The following PTPN21 variants were observed in gnomAD, a reference collection of about 807,000 sequenced individuals.
PTPN21 encodes the protein protein tyrosine phosphatase non-receptor type 21.
In PTPN21, 77 loss-of-function variants were observed where a neutral mutation model predicts 131.8. The ratio of observed to expected loss-of-function variants is 0.58; its 90% CI spans 0.49 to 0.71. The LOEUF is 0.71. Ranked by LOEUF, PTPN21 falls within the 30% of genes least tolerant of loss-of-function variation. PTPN21 has a pLI of 0.00. For missense variants in PTPN21, 1,552 were observed against 1,527.1 expected (o/e 1.02, Z -0.27); for synonymous variants, 715 against 621.3 (o/e 1.15, Z -2.24).
At chr14:88,485,967 C>T (rs977523506) in intron 10 of PTPN21, 125 bp from the exon 11 acceptor site, 2 of 621,374 alleles carry the variant, frequency 3.2e-6, no homozygotes, top group Admixed American at 6.0e-5. Context: ...CTATCTAAGT[C>T]ATGAAGTCAA....
chr14:88,513,952 G>A (rs1206366512), intron 3 of PTPN21: 1 of 152,234 alleles, frequency 6.6e-6, no homozygotes, highest in African/African-American at 2.4e-5. Flanking sequence ...TGCAGAATGT[G>A]TTGGCGCTGA....
chr14:88,503,186 C>G (rs1424592384), intron 6 of PTPN21, among the ~76,000 whole-genome samples: 1 of 152,010 alleles, frequency 6.6e-6, no homozygotes, highest in Non-Finnish European at 1.5e-5. Context: ...CCGGTGCATG[C>G]CACCACACCT....
rs142424577 is a variant in PTPN21, at chr14:88,534,705, T to C, written c.180+15533A>G. On this transcript the variant is annotated intron_variant, in intron 2 of 18. Coordinates refer to ENST00000556564, the MANE Select transcript of PTPN21 (RefSeq NM_007039.4). ...CCTGGCCAACATGTTGAAACCCCAT[T>C]TCTACTAAAACTACAAAAATTAGCC... Among the ~76,000 whole-genome samples, 744 of 151,528 alleles carry C rather than the reference T, an allele frequency of 4.9e-3. 6 individuals are homozygous for C. Among genetic ancestry groups the C allele is most frequent in the African/African-American group, 0.017 (689 of 41,294 alleles).
At chr14:88,471,238 G>GA (rs1300008123) in intron 15 of PTPN21, among the ~76,000 whole-genome samples, 3 of 151,982 alleles carry the variant, frequency 2.0e-5, no homozygotes, top group Admixed American at 6.6e-5. Context: ...GCAAACTAAA[G>GA]AAAAAAACCA....
intron 2 of PTPN21, among the ~76,000 whole-genome samples, chr14:88,520,897 G>A (rs1353990670): frequency 2.0e-5 from 3 of 152,128 alleles, no homozygotes; most frequent in Non-Finnish European, 4.4e-5. Context: ...AGGCGGGAGT[G>A]TACTGACATG....
intron 2 of PTPN21, among the ~76,000 whole-genome samples, chr14:88,542,190 C>T (rs775202697): frequency 1.3e-5 from 2 of 152,134 alleles, no homozygotes; most frequent in African/African-American, 2.4e-5. Flanking sequence ...TAATACAACG[C>T]CTAACTCATT....
intron 13 of PTPN21, among the ~76,000 whole-genome samples, chr14:88,475,798 T>C (rs1229995323): frequency 6.6e-6 from 1 of 152,230 alleles, no homozygotes; most frequent in Non-Finnish European, 1.5e-5. Flanking sequence ...GCTCTGGCAC[T>C]TCTCTGCCTG....
At position 88,469,610 on chromosome 14, in the gene PTPN21, T is replaced by C; in HGVS notation, c.3124A>G (p.Thr1042Ala). ...FRTDSGCYATTGLKMKHLLTG... is the reference protein window; with the variant it reads ...FRTDSGCYATAGLKMKHLLTG... ...AGGAGGTGCTTCATCTTCAGGCCTG[T>C]GGTGGCATAGCAGCCAGAGTCTGTG... Residue 1042 changes from threonine to alanine, a missense_variant, in exon 17 of 19, where the codon ACA becomes GCA. Thr to Ala is a moderately conservative substitution (Grantham distance 58, BLOSUM62 0). Around this residue, in one of 4 missense-constraint regions of PTPN21, gnomAD observed 316 missense variants for 378.5 expected, o/e 0.83. Transcript: ENST00000556564. The surrounding 1 kb of genome is among the most constrained non-coding windows in gnomAD (Gnocchi z 4.3). 2 of 1,614,038 alleles carry C rather than the reference T, an allele frequency of 1.2e-6. No homozygotes were observed. Among genetic ancestry groups the C allele is most frequent in the Non-Finnish European group, 8.5e-7 (1 of 1,179,962 alleles).
At chr14:88,503,358 T>G (rs756474887) in intron 6 of PTPN21, among the ~76,000 whole-genome samples, 7 of 152,264 alleles carry the variant, frequency 4.6e-5, no homozygotes, top group Non-Finnish European at 8.8e-5. Context: ...TTTTTGAGCT[T>G]GGTTTCCCCA....
Position 88,469,461 on chromosome 14 carries a change from G to C in PTPN21, c.3235+38C>G. Reference sequence around the variant, plus strand: ...TGTTCCTCTCTGTTTAACACCTCCAGAGGCAGCTGTCCTCGGAACAAAGTT... The same window carrying C: ...TGTTCCTCTCTGTTTAACACCTCCACAGGCAGCTGTCCTCGGAACAAAGTT... On this transcript the variant is annotated intron_variant, in intron 17 of 18. Transcript: ENST00000556564. The surrounding 1 kb of genome is among the most constrained non-coding windows in gnomAD (Gnocchi z 4.3). 1 of 1,514,246 alleles carries C rather than the reference G, an allele frequency of 6.6e-7. No homozygotes were observed. Among genetic ancestry groups the C allele is most frequent in the African/African-American group, 1.4e-5 (1 of 72,780 alleles). The allele number at this position is 1,514,246 out of a possible 1,614,324, so 93.8% of individuals were successfully genotyped here.
chr14:88,517,204 A>C lies in PTPN21; in HGVS notation c.238T>G (p.Leu80Val). 1 of 1,614,126 alleles carries C rather than the reference A, an allele frequency of 6.2e-7. No homozygotes were observed. Among genetic ancestry groups the C allele is most frequent in the South Asian group, 1.1e-5 (1 of 91,074 alleles). ...AGCTGCTTCTTCAAAGGTTTTTCCAAATCTACCCACCGGCGCTGATTTTGC... is the reference window on the plus strand; with the variant it reads ...AGCTGCTTCTTCAAAGGTTTTTCCACATCTACCCACCGGCGCTGATTTTGC... Reference protein sequence around the residue: ...NKQNQRRWVDLEKPLKKQLDK... With the variant: ...NKQNQRRWVDVEKPLKKQLDK... The change falls in exon 3 of 19, where the codon TTG becomes GTG. Residue 80 changes from leucine (L) to valine (V), a missense_variant. This residue lies in a region of PTPN21 where 206 missense variants were observed against 221.6 expected (regional missense o/e 0.93). Transcript: ENST00000556564.
intron 18 of PTPN21, 124 bp from the exon 19 acceptor site, chr14:88,468,389 G>A (rs373515444): frequency 6.1e-5 from 58 of 945,748 alleles, no homozygotes; most frequent in Middle Eastern, 3.5e-4. Flanking sequence ...CCACCTTAGC[G>A]TCTTCTAGAA....
At chr14:88,470,298 A>G in intron 15 of PTPN21, 1 of 488,632 alleles carries the variant, frequency 2.0e-6, no homozygotes. Context: ...AACCTGTTTA[A>G]CCTTGCTGAA....
At chr14:88,522,936 C>T (rs947142518) in intron 2 of PTPN21, among the ~76,000 whole-genome samples, 15 of 79,270 alleles carry the variant, frequency 1.9e-4, no homozygotes, top group African/African-American at 5.8e-4. Context: ...AAGATTTTTC[C>T]TGGGTAAGAC....
chr14:88,521,408 AT>A (rs889716568), intron 2 of PTPN21, among the ~76,000 whole-genome samples: 146 of 145,586 alleles, frequency 1.0e-3, no homozygotes, highest in Middle Eastern at 3.5e-3. Context: ...ACAGCAGGTC[AT>A]TTTTTTTTTT....
In PTPN21 at chr14:88,550,370, C is replaced by G. The variant is rs182092441; in HGVS notation, c.48G>C (p.Thr16=). Residue 16 remains threonine, a synonymous_variant, in exon 2 of 19, where the codon ACG becomes ACC. Coordinates refer to ENST00000556564, the MANE Select transcript of PTPN21 (RefSeq NM_007039.4). ...CAACCAGGCAACTCTTGCTGGACAC[C>G]GTGTAGCGCCGGGTGCGTTTCAGTT... ...GLKLKRTRRY[T]VSSKSCLVAR... The G allele has an allele frequency of 4.2e-5, 67 of 1,614,152 alleles. 1 individual carries two copies. The East Asian group carries it at 1.3e-3, about 31-fold the overall frequency.
chr14:88,523,852 A>T (rs1296607211), intron 2 of PTPN21, among the ~76,000 whole-genome samples: 1 of 152,114 alleles, frequency 6.6e-6, no homozygotes, highest in East Asian at 1.9e-4. Context: ...TGTACATGTC[A>T]AAAAAAGAAA....
intron 8 of PTPN21, among the ~76,000 whole-genome samples, chr14:88,500,341 G>A (rs1005147885): frequency 6.6e-6 from 1 of 152,126 alleles, no homozygotes; most frequent in Non-Finnish European, 1.5e-5. Context: ...GGGATGGGAG[G>A]ATCACTTCAG....
At chr14:88,496,566 T>G in intron 9 of PTPN21, 74 bp from the exon 10 acceptor site, 1 of 1,153,194 alleles carries the variant, frequency 8.7e-7, no homozygotes, top group African/African-American at 1.5e-5. Flanking sequence ...AGAGTTTGTC[T>G]AAAGACATAA....
Sources: gnomAD v4.1 joint callset for allele counts (sites outside exome capture counted in the v4.1 genomes callset) on GRCh38, gnomAD v4.1.1 for gene constraint, gnomAD v4.1.1 regional missense constraint, Gnocchi (gnomAD v3.1) non-coding constraint, MANE v1.5 for transcripts, NCBI Gene and HGNC (gene_info 2026-07-23, HGNC 2026-07-21) for gene names.